The following PTPRD variants were observed in gnomAD, a reference collection of about 807,000 sequenced individuals.
The protein encoded by PTPRD is receptor-type tyrosine-protein phosphatase delta.
In PTPRD, 34 loss-of-function variants were observed where a neutral mutation model predicts 214.5. The observed-to-expected ratio is 0.16, with a 90% CI of 0.12 to 0.21. The LOEUF (loss-of-function observed/expected upper bound fraction) is 0.21, where lower values mean the gene tolerates loss of function less well. Among genes scored for constraint, PTPRD ranks in the 10% least tolerant of loss-of-function variants. PTPRD has a pLI of 1.00. For synonymous variants in PTPRD, 1,128 were observed against 845.7 expected (o/e 1.33, Z -5.79); for missense variants, 2,545 against 2,398.7 (o/e 1.06, Z -1.27).
intron 8 of PTPRD, among the ~76,000 whole-genome samples, chr9:9,477,028 C>A (rs2095099940): frequency 6.6e-6 from 1 of 152,154 alleles, no homozygotes; most frequent in Admixed American, 6.5e-5. Flanking sequence ...AGCCACCACA[C>A]CTGGCCCTTC....
At chr9:9,640,787 CT>C (rs2095915306) in intron 7 of PTPRD, among the ~76,000 whole-genome samples, 1 of 152,210 alleles carries the variant, frequency 6.6e-6, no homozygotes, top group South Asian at 2.1e-4. Flanking sequence ...AGAAGAGAAT[CT>C]TAAGAGGGTA....
chr9:10,376,864 G>A (rs892652269), intron 2 of PTPRD, among the ~76,000 whole-genome samples: 1 of 151,850 alleles, frequency 6.6e-6, no homozygotes, highest in Non-Finnish European at 1.5e-5. Flanking sequence ...GTAAAATAGA[G>A]TACGTAACCC....
At chr9:9,378,264 T>G (rs371849463) in intron 9 of PTPRD, among the ~76,000 whole-genome samples, 1 of 152,136 alleles carries the variant, frequency 6.6e-6, no homozygotes, top group Non-Finnish European at 1.5e-5. Flanking sequence ...GAAAATCATA[T>G]AGTTGATAAT....
In PTPRD at chr9:8,654,998, G is replaced by A. The variant is rs186982998; in HGVS notation, c.65-18154C>T. ...GAAAAACAATTTCACATACTAAAAC[G>A]TAGGATAATAGGAATTCATTCAAGA... On this transcript the variant is annotated intron_variant, in intron 12 of 45. Transcript: ENST00000381196. Among the ~76,000 whole-genome samples, 367 of 152,010 alleles carry A rather than the reference G, an allele frequency of 2.4e-3. 1 individual carries two copies. The highest frequency in any genetic ancestry group is 4.2e-3 in the Non-Finnish European group (283 of 67,966).
chr9:10,576,335 G>T (rs1167324340), intron 2 of PTPRD, among the ~76,000 whole-genome samples: 1 of 152,084 alleles, frequency 6.6e-6, no homozygotes, highest in African/African-American at 2.4e-5. Flanking sequence ...GAAACTTTCT[G>T]TTGCTTTTTA....
chr9:9,562,588 A>G (rs890772310), intron 8 of PTPRD, among the ~76,000 whole-genome samples: 10 of 151,862 alleles, frequency 6.6e-5, no homozygotes, highest in African/African-American at 2.2e-4. Context: ...CTCTGCTCCT[A>G]TTGCACTGTC....
intron 3 of PTPRD, among the ~76,000 whole-genome samples, chr9:10,097,363 C>T (rs1267681512): frequency 2.2e-5 from 3 of 134,778 alleles, no homozygotes; most frequent in Non-Finnish European, 4.7e-5. Flanking sequence ...ATTCTTCCTA[C>T]CCATGAGCAT....
intron 42 of PTPRD, 108 bp downstream of exon 42, chr9:8,340,235 A>G: frequency 1.2e-5 from 16 of 1,288,838 alleles, no homozygotes; most frequent in Non-Finnish European, 1.6e-5. Flanking sequence ...TCCAGAGTGC[A>G]CTGCATTTCA....
chr9:9,067,489 T>G (rs1333378202), intron 10 of PTPRD, among the ~76,000 whole-genome samples: 1 of 152,194 alleles, frequency 6.6e-6, no homozygotes, highest in South Asian at 2.1e-4. Flanking sequence ...GTGAGCTCTA[T>G]TCAAGTGTAC....
At chr9:10,075,733 G>C (rs1297751669) in intron 3 of PTPRD, among the ~76,000 whole-genome samples, 1 of 151,918 alleles carries the variant, frequency 6.6e-6, no homozygotes, top group Non-Finnish European at 1.5e-5. Context: ...TATTATATTA[G>C]ACATACAATT....
chr9:9,594,031 C>T (rs542900151), intron 7 of PTPRD, among the ~76,000 whole-genome samples: 22 of 152,006 alleles, frequency 1.4e-4, no homozygotes, highest in Non-Finnish European at 2.2e-4. Context: ...GGACAATGGA[C>T]GATAGTTAAT....
chr9:9,941,417 G>T (rs535991311), intron 4 of PTPRD, among the ~76,000 whole-genome samples: 8 of 152,248 alleles, frequency 5.3e-5, no homozygotes, highest in African/African-American at 1.7e-4. Flanking sequence ...CTGCCTCTTG[G>T]GTTCAAGTGA....
At chr9:10,598,180 G>A (rs2077047495) in intron 2 of PTPRD, among the ~76,000 whole-genome samples, 1 of 151,698 alleles carries the variant, frequency 6.6e-6, no homozygotes, top group Non-Finnish European at 1.5e-5. Context: ...GAGTATCAGT[G>A]TTGTTTTTGT....
At position 9,356,066 on chromosome 9, in the gene PTPRD, C is replaced by G. The variant is rs193043963; in HGVS notation, c.-203+41383G>C. On this transcript the variant is annotated intron_variant, in intron 9 of 45. Transcript: ENST00000381196. ...TTTAGTGGAATGATGGAGTAAAAGC[C>G]TAACTATAGCAGTTTTAAGAGAAGA... 2.6e-3 allele frequency among the ~76,000 whole-genome samples: 388 copies of G among 151,310 alleles called. 1 individual carries two copies. The highest frequency in any genetic ancestry group is 9.0e-3 in the African/African-American group (374 of 41,356).
intron 5 of PTPRD, among the ~76,000 whole-genome samples, chr9:9,878,565 A>G (rs2067606626): frequency 1.3e-5 from 2 of 152,206 alleles, no homozygotes; most frequent in Non-Finnish European, 2.9e-5. Flanking sequence ...TAGAAAATAG[A>G]GAAAATGTTT....
chr9:9,367,676 A>G (rs1424728071), intron 9 of PTPRD, among the ~76,000 whole-genome samples: 2 of 151,648 alleles, frequency 1.3e-5, no homozygotes, highest in Non-Finnish European at 3.0e-5. Context: ...TGTTTCCATC[A>G]AAACTGCCAG....
At chr9:8,901,961 C>A (rs961032374) in intron 11 of PTPRD, among the ~76,000 whole-genome samples, 8 of 152,152 alleles carry the variant, frequency 5.3e-5, no homozygotes, top group Non-Finnish European at 1.2e-4. Context: ...CTATTAAATT[C>A]TCTGAATCTT....
intron 3 of PTPRD, among the ~76,000 whole-genome samples, chr9:10,059,952 G>C (rs961639822): frequency 1.3e-5 from 2 of 151,950 alleles, no homozygotes; most frequent in African/African-American, 4.8e-5. Context: ...ATGTAAGTAA[G>C]ATTATTATAT....
chr9:9,910,136 A>G (rs1277191817), intron 5 of PTPRD, among the ~76,000 whole-genome samples: 1 of 151,972 alleles, frequency 6.6e-6, no homozygotes, highest in Non-Finnish European at 1.5e-5. Flanking sequence ...GGCAGAGGAC[A>G]ACAGTATCTC....
Sources: allele counts gnomAD v4.1 joint callset (sites outside exome capture counted in the v4.1 genomes callset), GRCh38; gene constraint gnomAD v4.1.1; transcripts MANE v1.5; gene names NCBI Gene and HGNC (gene_info 2026-07-23, HGNC 2026-07-21).